VPS13C: variants seen among roughly 807,000 people sequenced by gnomAD.
The protein encoded by VPS13C is vacuolar protein sorting 13 homolog C.
In VPS13C, 358 loss-of-function variants were observed where a neutral mutation model predicts 456.8. That is an observed-to-expected ratio of 0.78 (90% CI 0.72 to 0.86). The LOEUF (loss-of-function observed/expected upper bound fraction) is 0.86. Among genes scored for constraint, VPS13C ranks in the 40% least tolerant of loss-of-function variants. VPS13C has a pLI of 0.00. For missense variants in VPS13C, 4,818 were observed against 4,385.4 expected (o/e 1.10, Z -2.79); for synonymous variants, 1,578 against 1,486.7 (o/e 1.06, Z -1.41).
chr15:62,044,407 G>T, intron 1 of VPS13C, 152 bp from the exon 2 acceptor site: 1 of 488,906 alleles, frequency 2.0e-6, no homozygotes, highest in African/African-American at 2.0e-5. Flanking sequence ...GCACAAAATA[G>T]TTGCTACATA....
chr15:62,012,990 T>C, intron 11 of VPS13C, 49 bp downstream of exon 11: 1 of 1,451,254 alleles, frequency 6.9e-7, no homozygotes, highest in Non-Finnish European at 9.5e-7. Flanking sequence ...ATTAAACAAA[T>C]TTAGGGATGG....
intron 66 of VPS13C, among the ~76,000 whole-genome samples, chr15:61,893,883 C>G (rs1390258803): frequency 1.3e-5 from 2 of 151,616 alleles, no homozygotes; most frequent in Admixed American, 1.3e-4. Context: ...ATAGTAACCA[C>G]AAAGCAAAAT....
At chr15:61,900,438 C>G (rs954952006) in intron 66 of VPS13C, among the ~76,000 whole-genome samples, 13 of 152,268 alleles carry the variant, frequency 8.5e-5, no homozygotes, top group African/African-American at 3.1e-4. Context: ...AATCAATGTA[C>G]AAAAATCACA....
At chr15:61,981,762 C>T (rs1478551138) in intron 21 of VPS13C, among the ~76,000 whole-genome samples, 1 of 152,046 alleles carries the variant, frequency 6.6e-6, no homozygotes, top group Non-Finnish European at 1.5e-5. Context: ...ACTTGGGAGG[C>T]TGAGGCAGGA....
intron 24 of VPS13C, among the ~76,000 whole-genome samples, chr15:61,976,728 T>C (rs180699423): frequency 4.3e-4 from 66 of 152,142 alleles, no homozygotes; most frequent in African/African-American, 1.4e-3. Context: ...TCAAAATTAA[T>C]TTTCTATTTT....
chr15:61,959,895 T>C (rs1044368948), intron 35 of VPS13C, among the ~76,000 whole-genome samples: 1 of 152,160 alleles, frequency 6.6e-6, no homozygotes, highest in East Asian at 1.9e-4. Flanking sequence ...AATCATCATA[T>C]ACAGTTGTTC....
At position 62,023,443 on chromosome 15, in the gene VPS13C, T is replaced by C. The variant is rs369678424; in HGVS notation, c.592A>G (p.Ile198Val). ...TCATATTTAATGTGAATATCTGTGA[T>C]TTTTACTTGTACATTTTTTATTACT... is the stretch of plus-strand genomic sequence containing the variant. Reference protein sequence around the residue: ...TQVIKNVQVKITDIHIKYEDD... With the variant: ...TQVIKNVQVKVTDIHIKYEDD... The change falls in exon 8 of 85, where the codon ATC becomes GTC. Residue 198 changes from isoleucine (I) to valine (V), a missense_variant. Around this residue, in one of 3 missense-constraint regions of VPS13C, gnomAD observed 4,552 missense variants for 4,130.6 expected, o/e 1.10. Coordinates refer to ENST00000644861, the MANE Select transcript of VPS13C (RefSeq NM_020821.3). The C allele has an allele frequency of 1.3e-5, 21 of 1,570,838 alleles. No individual in the cohort carries two copies. Among genetic ancestry groups the C allele is most frequent in the Non-Finnish European group, 1.7e-5 (20 of 1,160,550 alleles).
In VPS13C at chr15:61,931,185, C is replaced by T; in HGVS notation, c.5943G>A (p.Gly1981=). Residue 1981 remains glycine, a synonymous_variant, in exon 50 of 85, where the codon GGG becomes GGA. Transcript: ENST00000644861. ...ELRLHLMASS[G]KMFKDGSMNV... ...TCATTGAGCCATCCTTAAACATCTT[C>T]CCTGAGGAGGCCATAAGATGTAGTC... The T allele has an allele frequency of 1.2e-6, 2 of 1,614,154 alleles. No homozygotes were observed. The highest frequency in any genetic ancestry group is 1.7e-6 in the Non-Finnish European group (2 of 1,180,028).
At chr15:61,889,299 G>A (rs557938558) in intron 67 of VPS13C, among the ~76,000 whole-genome samples, 4 of 151,846 alleles carry the variant, frequency 2.6e-5, no homozygotes, top group Non-Finnish European at 5.9e-5. Context: ...ATATAACAAA[G>A]AATGCATTGT....
chr15:61,953,515 T>TACTG (rs1283875151), intron 38 of VPS13C, among the ~76,000 whole-genome samples: 2 of 151,620 alleles, frequency 1.3e-5, no homozygotes, highest in African/African-American at 4.8e-5. Flanking sequence ...TTGCGACAGT[T>TACTG]ACTGAGAATG....
At chr15:61,925,637 G>T in intron 52 of VPS13C, 89 bp from the exon 53 acceptor site, 1 of 903,258 alleles carries the variant, frequency 1.1e-6, no homozygotes, top group Non-Finnish European at 1.5e-6. Context: ...CTTAACTTGG[G>T]ATCTTTAACT....
chr15:61,880,737 A>G lies in VPS13C; in HGVS notation c.9889-15T>C, dbSNP rs1242979502. On this transcript the variant is annotated splice_polypyrimidine_tract_variant and intron_variant, in intron 72 of 84. Transcript: ENST00000644861. The stretch of plus-strand genomic sequence containing the variant: ...ATTAACTTTGTCTGAAAAAAATAAA[A>G]TCAAGAATTTCTATTTTAATTTTTT... 1 of 1,550,790 alleles carries G rather than the reference A, an allele frequency of 6.4e-7. No individual in the cohort carries two copies. The highest frequency in any genetic ancestry group is 2.3e-5 in the East Asian group (1 of 43,504).
intron 31 of VPS13C, among the ~76,000 whole-genome samples, chr15:61,964,196 C>T (rs1318811632): frequency 6.6e-6 from 1 of 152,010 alleles, no homozygotes; most frequent in East Asian, 1.9e-4. Context: ...AATAAGGACA[C>T]TGAACCTCAG....
rs1893728206 is a variant in VPS13C at position 61,853,050 on chromosome 15, C to T, written c.*1407G>A. On this transcript the variant is annotated 3_prime_UTR_variant, in exon 85 of 85. Transcript: ENST00000644861. ...TCTAAAGGTTCAACCAAAAAACTTA[C>T]ATATTTTTGAGTATTTTTTAAAGTT... is the stretch of plus-strand genomic sequence containing the variant. 6.6e-6 allele frequency: 1 copy of T among 151,988 alleles called. No individual in the cohort carries two copies. Among genetic ancestry groups the T allele is most frequent in the African/African-American group, 2.4e-5 (1 of 41,380 alleles). 9.4% of individuals were successfully genotyped at this position (151,988 alleles called of 1,614,324 possible).
intron 36 of VPS13C, among the ~76,000 whole-genome samples, 168 bp downstream of exon 36, chr15:61,959,280 A>G (rs1016522324): frequency 1.2e-4 from 19 of 152,252 alleles, no homozygotes; most frequent in African/African-American, 3.8e-4. Flanking sequence ...AATCTTAACT[A>G]AAGATTAAAT....
intron 11 of VPS13C, 57 bp from the exon 12 acceptor site, chr15:62,012,221 GACACACACACACAC>G (rs67220908): frequency 1.4e-5 from 7 of 511,138 alleles, no homozygotes; most frequent in Middle Eastern, 6.8e-4. Context: ...TTCAGACTCA[GACACACACACACAC>G]ACACACACAC....
intron 71 of VPS13C, among the ~76,000 whole-genome samples, chr15:61,881,169 T>C (rs1268756146): frequency 6.6e-6 from 1 of 152,084 alleles, no homozygotes; most frequent in African/African-American, 2.4e-5. Flanking sequence ...ACTTAGCAAT[T>C]ACAGTCCCAA....
At chr15:61,985,076 T>G (rs1304131067) in intron 18 of VPS13C, 77 bp from the exon 19 acceptor site, 5 of 1,190,462 alleles carry the variant, frequency 4.2e-6, no homozygotes, top group Non-Finnish European at 5.5e-6. Context: ...TTATTTAAAT[T>G]TGCTGAATTA....
chr15:61,922,432 A>G lies in VPS13C; in HGVS notation c.6940T>C (p.Ser2314Pro). 1 of 1,613,826 alleles carries G rather than the reference A, an allele frequency of 6.2e-7. No homozygotes were observed. Among genetic ancestry groups the G allele is most frequent in the Non-Finnish European group, 8.5e-7 (1 of 1,179,842 alleles). ...ACGTCAGCAACAGCAGCCATTAGAG[A>G]AGTCCAATTTTTAATATTTCCTGAA... Reference protein sequence around the residue: ...KFSGNIKNWTSLMAAVADVTL... With the variant: ...KFSGNIKNWTPLMAAVADVTL... Residue 2314 changes from serine to proline, a missense_variant, in exon 54 of 85, where the codon TCT (serine) becomes CCT (proline). Around this residue, in one of 3 missense-constraint regions of VPS13C, gnomAD observed 4,552 missense variants for 4,130.6 expected, o/e 1.10. Coordinates refer to ENST00000644861, the MANE Select transcript of VPS13C (RefSeq NM_020821.3).
Sources: allele counts gnomAD v4.1 joint callset (sites outside exome capture counted in the v4.1 genomes callset), GRCh38; gene constraint gnomAD v4.1.1; regional missense constraint gnomAD v4.1.1; transcripts MANE v1.5; gene names NCBI Gene and HGNC (gene_info 2026-07-23, HGNC 2026-07-21).